ODF2: variants seen among roughly 807,000 people sequenced by gnomAD.
ODF2 encodes the protein outer dense fiber protein 2.
ODF2 carries 47 observed loss-of-function variants against 110.2 expected under a neutral mutation model. The observed-to-expected ratio is 0.43, with a 90% confidence interval of 0.34 to 0.54. The LOEUF (loss-of-function observed/expected upper bound fraction) is 0.54. ODF2 is among the 20% of genes least tolerant of loss of function. The pLI, the probability that ODF2 is intolerant of heterozygous loss-of-function variation, is 0.03. For missense variants in ODF2, 812 were observed against 1,054.5 expected, an observed-to-expected ratio of 0.77 and a Z score of 3.19; for synonymous variants, 352 against 397.7, an observed-to-expected ratio of 0.89 and a Z score of 1.37.
At chr9:128,498,628 A>T (rs893474606) in intron 19 of ODF2, 53 bp downstream of exon 19, 2 of 1,005,030 alleles carry the variant, frequency 2.0e-6, no homozygotes, top group Non-Finnish European at 3.0e-6. Context: ...CAAATCACCT[A>T]AACTCTCAGC....
chr9:128,460,314 C>A, intron 3 of ODF2: 1 of 1,416,730 alleles, frequency 7.1e-7, no homozygotes, highest in Non-Finnish European at 9.3e-7. Context: ...GTCTTGCAGA[C>A]CCTCTCTTGA....
At chr9:128,456,534 C>G in intron 1 of ODF2, 1 of 1,528,144 alleles carries the variant, frequency 6.5e-7, no homozygotes, top group Non-Finnish European at 8.7e-7. Flanking sequence ...CAGGGCTTCA[C>G]CTTTCTCTCT....
chr9:128,460,664 C>T, intron 3 of ODF2: 1 of 1,614,088 alleles, frequency 6.2e-7, no homozygotes, highest in Non-Finnish European at 8.5e-7. Flanking sequence ...GACCAGCAGC[C>T]AGGTAGGAGC....
chr9:128,487,865 C>T, intron 13 of ODF2, 25 bp from the exon 14 acceptor site: 1 of 1,612,788 alleles, frequency 6.2e-7, no homozygotes, highest in Non-Finnish European at 8.5e-7. Flanking sequence ...TTCTCTCTGT[C>T]TGCTTTCACT....
chr9:128,463,285 T>C (rs140166570), intron 4 of ODF2, among the ~76,000 whole-genome samples: 48 of 152,036 alleles, frequency 3.2e-4, no homozygotes, highest in African/African-American at 1.1e-3. Context: ...AAGAGAAATA[T>C]GATACATCCA....
At chr9:128,455,272 C>G, upstream of ODF2, 5 of 1,525,772 alleles carry the variant, frequency 3.3e-6, no homozygotes, top group Non-Finnish European at 4.4e-6. Flanking sequence ...GGGTAGTAGA[C>G]CGGGCGCGGA....
chr9:128,498,770 AGCCTCACATAG>A (rs1399648766), intron 19 of ODF2, among the ~76,000 whole-genome samples, 195 bp downstream of exon 19: 4 of 152,184 alleles, frequency 2.6e-5, no homozygotes, highest in African/African-American at 9.7e-5. Context: ...TACCCTCTTG[AGCCTCACATAG>A]GCTTACCACA....
chr9:128,484,344 A>G (rs1842974549), intron 11 of ODF2, among the ~76,000 whole-genome samples: 1 of 152,142 alleles, frequency 6.6e-6, no homozygotes, highest in South Asian at 2.1e-4. Flanking sequence ...ACCCAAGGGA[A>G]AGGGATGGTC....
chr9:128,469,146 C>CT (rs1326308140), intron 4 of ODF2, 37 bp from the exon 5 acceptor site: 1 of 1,601,360 alleles, frequency 6.2e-7, no homozygotes, highest in Non-Finnish European at 8.5e-7. Context: ...AAGGTTCTGC[C>CT]TTCTGAGTTC....
intron 18 of ODF2, chr9:128,497,932 G>C (rs1845943298): frequency 6.5e-6 from 1 of 152,696 alleles, no homozygotes; most frequent in Non-Finnish European, 1.5e-5. Context: ...TTTGCCCTAT[G>C]GCTGGTCACA....
intron 5 of ODF2, among the ~76,000 whole-genome samples, chr9:128,470,262 C>T (rs1476494173): frequency 2.0e-5 from 3 of 151,068 alleles, no homozygotes; most frequent in Non-Finnish European, 2.9e-5. Context: ...CTAACACGAC[C>T]TGTGTCTTTA....
chr9:128,463,238 G>A (rs1282800554), intron 4 of ODF2, among the ~76,000 whole-genome samples: 2 of 152,192 alleles, frequency 1.3e-5, no homozygotes. Context: ...TAGCCTGTGT[G>A]ACACAGTGAG....
upstream of ODF2, among the ~76,000 whole-genome samples, chr9:128,455,546 T>C (rs1457751653): frequency 5.5e-5 from 4 of 72,232 alleles, no homozygotes; most frequent in African/African-American, 1.0e-4. Flanking sequence ...AGAGCAAGAA[T>C]CTGTCTCAAA....
At chr9:128,466,832 C>A (rs1440584061) in intron 4 of ODF2, among the ~76,000 whole-genome samples, 1 of 147,772 alleles carries the variant, frequency 6.8e-6, no homozygotes, top group Non-Finnish European at 1.5e-5. Flanking sequence ...AAAAAATTAG[C>A]CGGGCATGGT....
intron 4 of ODF2, among the ~76,000 whole-genome samples, chr9:128,468,343 G>T (rs1838832307): frequency 6.6e-6 from 1 of 152,056 alleles, no homozygotes; most frequent in Admixed American, 6.6e-5. Flanking sequence ...TGTTTTTGCT[G>T]ATTTGTTATA....
chr9:128,482,388 GC>G (rs1842568802), intron 9 of ODF2, among the ~76,000 whole-genome samples: 1 of 152,142 alleles, frequency 6.6e-6, no homozygotes, highest in East Asian at 1.9e-4. Context: ...GAACCGTCAA[GC>G]AGCTCTTTCA....
chr9:128,482,523 G>A (rs1006180414), intron 9 of ODF2, among the ~76,000 whole-genome samples: 2 of 151,992 alleles, frequency 1.3e-5, no homozygotes, highest in African/African-American at 4.8e-5. Flanking sequence ...GCATTAACTG[G>A]TTATCTCTGC....
intron 18 of ODF2, chr9:128,497,444 AAAATATAT>A (rs1369950096): frequency 4.2e-5 from 3 of 72,254 alleles, no homozygotes; most frequent in South Asian, 4.6e-4. Flanking sequence ...AAAAAAAAAA[AAAATATAT>A]ATATATATAT....
At chr9:128,472,788 C>A in intron 6 of ODF2, 125 bp from the exon 7 acceptor site, 1 of 1,452,258 alleles carries the variant, frequency 6.9e-7, no homozygotes, top group Non-Finnish European at 9.3e-7. Flanking sequence ...GAAGGGCTGT[C>A]CCTGCCCCCT....
Sources: allele counts gnomAD v4.1 joint callset (sites outside exome capture counted in the v4.1 genomes callset), GRCh38; gene constraint gnomAD v4.1.1; transcripts MANE v1.5; gene names NCBI Gene and HGNC (gene_info 2026-07-23, HGNC 2026-07-21).